The following USP34 variants were observed in gnomAD, a reference collection of about 807,000 sequenced individuals.
USP34 encodes ubiquitin specific peptidase 34, also known as ubiquitin carboxyl-terminal hydrolase 34.
Under a neutral mutation model 460.3 loss-of-function variants are expected in USP34, and 70 were observed. The ratio of observed to expected loss-of-function variants is 0.15; its 90% CI spans 0.13 to 0.19. The LOEUF (loss-of-function observed/expected upper bound fraction) is 0.19. Among genes scored for constraint, USP34 ranks in the 10% least tolerant of loss-of-function variants. USP34 has a pLI of 1.00. For missense variants in USP34, 3,985 were observed against 4,236.2 expected (o/e 0.94, Z 1.65); for synonymous variants, 1,647 against 1,405.3 (o/e 1.17, Z -3.85).
chr2:61,220,212 A>G (rs1687521296), intron 67 of USP34, 98 bp downstream of exon 67: 8 of 864,560 alleles, frequency 9.3e-6, no homozygotes, highest in African/African-American at 1.7e-5. Flanking sequence ...ATTTCGTAGT[A>G]TACAACAATG....
At position 61,319,426 on chromosome 2, in the gene USP34, A is replaced by C. The variant is rs143457192; in HGVS notation, c.3014-99T>G. The stretch of plus-strand genomic sequence containing the variant: ...TGTACAGTAAGTCCTCACTTAACAC[A>C]GATAGGTTCTTGGAAATTGCAATTT... On this transcript the variant is annotated intron_variant, in intron 21 of 79. Coordinates refer to ENST00000398571, the MANE Select transcript of USP34 (RefSeq NM_014709.4). The C allele has an allele frequency of 1.5e-3, 1,200 of 790,430 alleles. 5 individuals are homozygous for C. The highest frequency in any genetic ancestry group is 4.3e-3 in the Middle Eastern group (10 of 2,334). 49.0% of individuals were successfully genotyped at this position (790,430 alleles called of 1,614,324 possible).
chr2:61,303,272 G>A (rs968941211), intron 27 of USP34, among the ~76,000 whole-genome samples: 1 of 151,948 alleles, frequency 6.6e-6, no homozygotes, highest in African/African-American at 2.4e-5. Flanking sequence ...CTCCATGTTG[G>A]CCAGGCTGGT....
At chr2:61,299,955 T>C (rs1454804584) in intron 29 of USP34, among the ~76,000 whole-genome samples, 1 of 152,250 alleles carries the variant, frequency 6.6e-6, no homozygotes, top group South Asian at 2.1e-4. Flanking sequence ...AGAAACCCAG[T>C]GCCATTTCTG....
chr2:61,192,172 G>A (rs13399029), intron 76 of USP34, among the ~76,000 whole-genome samples: 2,685 of 152,262 alleles, frequency 0.018, 100 homozygotes, highest in African/African-American at 0.061. Context: ...TGCACCTAAG[G>A]AAGGTGAATA....
intron 27 of USP34, among the ~76,000 whole-genome samples, chr2:61,310,659 A>G (rs1209058024): frequency 6.6e-6 from 1 of 150,542 alleles, no homozygotes; most frequent in African/African-American, 2.4e-5. Context: ...TATCAGAAAT[A>G]TATATATACA....
At chr2:61,451,379 A>G (rs1229835765) in intron 1 of USP34, among the ~76,000 whole-genome samples, 1 of 151,958 alleles carries the variant, frequency 6.6e-6, no homozygotes, top group African/African-American at 2.4e-5. Context: ...ATATACTCAT[A>G]AATTCTGTAC....
intron 1 of USP34, among the ~76,000 whole-genome samples, chr2:61,449,000 A>G (rs775205859): frequency 4.6e-5 from 7 of 152,114 alleles, no homozygotes; most frequent in Non-Finnish European, 1.0e-4. Flanking sequence ...CTAAAAATAT[A>G]AAAATTAGCA....
chr2:61,298,756 T>C (rs1690125260), intron 29 of USP34, among the ~76,000 whole-genome samples: 1 of 150,856 alleles, frequency 6.6e-6, no homozygotes, highest in African/African-American at 2.5e-5. Flanking sequence ...TTTTGCTGCT[T>C]AAAACCAGCC....
chr2:61,395,734 G>A (rs1416451662), intron 3 of USP34, among the ~76,000 whole-genome samples: 7 of 142,322 alleles, frequency 4.9e-5, no homozygotes, highest in African/African-American at 1.7e-4. Flanking sequence ...TGCAGTGAGC[G>A]GAGATCGCGC....
intron 8 of USP34, among the ~76,000 whole-genome samples, chr2:61,370,934 G>A (rs1400479139): frequency 6.6e-6 from 1 of 152,146 alleles, no homozygotes. Context: ...AGGTTTCCCA[G>A]TATGCCCTTT....
chr2:61,442,934 C>CACACACACACAG (rs3220962), intron 1 of USP34, among the ~76,000 whole-genome samples: 23 of 146,468 alleles, frequency 1.6e-4, no homozygotes, highest in Admixed American at 3.4e-4. Context: ...CACACACACA[C>CACACACACACAG]AGAGGAATAT....
intron 51 of USP34, 72 bp downstream of exon 51, chr2:61,245,138 C>T (rs1688385951): frequency 5.4e-6 from 6 of 1,108,664 alleles, no homozygotes; most frequent in Non-Finnish European, 7.9e-6. Flanking sequence ...AGCGACTCTG[C>T]TATTGGATTT....
At chr2:61,307,377 A>T (rs1280462957) in intron 27 of USP34, among the ~76,000 whole-genome samples, 2 of 151,952 alleles carry the variant, frequency 1.3e-5, no homozygotes, top group Admixed American at 1.3e-4. Context: ...TGACAAGTTA[A>T]TGGGTGCAGG....
intron 19 of USP34, among the ~76,000 whole-genome samples, chr2:61,331,674 A>G (rs1377360162): frequency 1.3e-5 from 2 of 152,190 alleles, no homozygotes; most frequent in South Asian, 4.1e-4. Flanking sequence ...ATAAGAATAT[A>G]CTATGTGCTT....
chr2:61,260,220 A>T (rs532894199), intron 43 of USP34, among the ~76,000 whole-genome samples: 2 of 152,224 alleles, frequency 1.3e-5, no homozygotes, highest in African/African-American at 2.4e-5. Context: ...CTTCACACTG[A>T]AGAGGAATAC....
chr2:61,241,204 C>T (rs1385510029), intron 53 of USP34, among the ~76,000 whole-genome samples: 2 of 152,048 alleles, frequency 1.3e-5, no homozygotes, highest in African/African-American at 4.8e-5. Context: ...CCACCACGCT[C>T]GGCTACTTTT....
intron 16 of USP34, among the ~76,000 whole-genome samples, chr2:61,342,510 C>A (rs1485384505): frequency 6.6e-6 from 1 of 151,560 alleles, no homozygotes; most frequent in Non-Finnish European, 1.5e-5. Context: ...TGGGGTTTCA[C>A]CACGTTGGCT....
chr2:61,403,831 A>G (rs542710533), intron 3 of USP34, among the ~76,000 whole-genome samples: 1 of 152,002 alleles, frequency 6.6e-6, no homozygotes, highest in Non-Finnish European at 1.5e-5. Context: ...ACTAAAAAAT[A>G]CAAAGAAAAA....
intron 70 of USP34, chr2:61,207,664 T>A (rs2103777860): frequency 6.6e-6 from 1 of 152,240 alleles, no homozygotes; most frequent in East Asian, 1.9e-4. Flanking sequence ...TAAACATCTG[T>A]TGCATTAAAA....
Sources: gnomAD v4.1 joint callset for allele counts (sites outside exome capture counted in the v4.1 genomes callset) on GRCh38, gnomAD v4.1.1 for gene constraint, MANE v1.5 for transcripts, NCBI Gene and HGNC (gene_info 2026-07-23, HGNC 2026-07-21) for gene names.